The following ARMC3 variants were observed in gnomAD, a reference collection of about 807,000 sequenced individuals.
The protein encoded by ARMC3 is armadillo repeat containing 3, also known as armadillo repeat-containing protein 3.
In ARMC3, 74 loss-of-function variants were observed where a neutral mutation model predicts 90.3. The observed-to-expected ratio is 0.82, with a 90% CI of 0.68 to 0.99. The LOEUF is 0.99. Ranked by LOEUF, ARMC3 falls within the 50% of genes least tolerant of loss-of-function variation. ARMC3 has a pLI of 0.00. For missense variants in ARMC3, 958 were observed against 1,042.8 expected, an observed-to-expected ratio of 0.92 and a Z score of 1.12; for synonymous variants, 334 against 361.8, an observed-to-expected ratio of 0.92 and a Z score of 0.87.
intron 3 of ARMC3, among the ~76,000 whole-genome samples, chr10:22,946,944 G>T (rs953554023): frequency 9.2e-5 from 14 of 152,160 alleles, no homozygotes; most frequent in African/African-American, 3.4e-4. Context: ...TGGATCACTT[G>T]AGCCCAGGAG....
chr10:22,968,407 G>C lies in ARMC3; in HGVS notation c.834G>C (p.Lys278Asn). The C allele has an allele frequency of 1.2e-6, 2 of 1,613,152 alleles. No individual in the cohort carries two copies. The highest frequency in any genetic ancestry group is 1.7e-6 in the Non-Finnish European group (2 of 1,179,712). The change falls in exon 8 of 19, where the codon AAG becomes AAC. Residue 278 changes from lysine (K) to asparagine (N), a missense_variant. Lys to Asn is a moderately conservative substitution (Grantham distance 94, BLOSUM62 0). Coordinates refer to ENST00000298032, the MANE Select transcript of ARMC3 (RefSeq NM_173081.5). The stretch of plus-strand genomic sequence containing the variant: ...TTCAGCAGACAGGGGGTCTTAAAAA[G>C]CTCCTGTCATTTGCAGAAAACTCTA... The part of the protein sequence containing the change: ...VQIQQTGGLK[K>N]LLSFAENSTI...
At chr10:22,981,791 T>G in intron 10 of ARMC3, 91 bp downstream of exon 10, 1 of 1,074,364 alleles carries the variant, frequency 9.3e-7, no homozygotes, top group South Asian at 1.4e-5. Context: ...TTCACGATAG[T>G]CTATGAATTT....
At chr10:22,946,290 G>T (rs1481630886) in intron 3 of ARMC3, 29 bp downstream of exon 3, 1 of 1,455,098 alleles carries the variant, frequency 6.9e-7, no homozygotes, top group African/African-American at 1.4e-5. Flanking sequence ...TTATCTTTCT[G>T]TTTCATTAAT....
chr10:22,967,925 T>C (rs1564360205), intron 7 of ARMC3, among the ~76,000 whole-genome samples: 1 of 152,266 alleles, frequency 6.6e-6, no homozygotes, highest in Admixed American at 6.5e-5. Flanking sequence ...ACTTCTGTTA[T>C]AGTCACAAAT....
chr10:22,937,270 C>T (rs1834147893), intron 2 of ARMC3, among the ~76,000 whole-genome samples: 1 of 152,152 alleles, frequency 6.6e-6, no homozygotes, highest in Admixed American at 6.5e-5. Context: ...ATGATATTTA[C>T]TAAAGCTTAT....
At chr10:22,969,432 C>G (rs1467641295) in intron 8 of ARMC3, among the ~76,000 whole-genome samples, 1 of 152,192 alleles carries the variant, frequency 6.6e-6, no homozygotes, top group Non-Finnish European at 1.5e-5. Flanking sequence ...AACATATATA[C>G]TCACATCTGT....
Position 23,032,842 on chromosome 10 carries a change from C to A in ARMC3, c.2247-19C>A. ...AGTTATTAAAATTGACCGATTTGAT[C>A]TCAATGTAATTGACACAGGTATGTA... is the stretch of plus-strand genomic sequence containing the variant. On this transcript the variant is annotated intron_variant, in intron 17 of 18. Coordinates refer to ENST00000298032, the MANE Select transcript of ARMC3 (RefSeq NM_173081.5). The A allele has an allele frequency of 6.2e-7, 1 of 1,601,336 alleles. No homozygotes were observed. The highest frequency in any genetic ancestry group is 1.1e-5 in the South Asian group (1 of 89,784).
intron 2 of ARMC3, among the ~76,000 whole-genome samples, chr10:22,937,225 A>T (rs1026640031): frequency 6.6e-6 from 1 of 152,182 alleles, no homozygotes; most frequent in Non-Finnish European, 1.5e-5. Context: ...TTTAATTATT[A>T]TAGATTCACA....
intron 16 of ARMC3, among the ~76,000 whole-genome samples, chr10:23,028,307 A>AT (rs1411844696): frequency 6.6e-6 from 1 of 152,180 alleles, no homozygotes; most frequent in Non-Finnish European, 1.5e-5. Flanking sequence ...TTAATTACGT[A>AT]TTTCTCAGTT....
chr10:22,947,162 C>T (rs1218013522), intron 3 of ARMC3, among the ~76,000 whole-genome samples: 1 of 151,968 alleles, frequency 6.6e-6, no homozygotes, highest in East Asian at 1.9e-4. Flanking sequence ...AAACATTAGC[C>T]AGGTATGATG....
At chr10:22,959,038 T>C (rs1448793803) in intron 4 of ARMC3, 32 bp from the exon 5 acceptor site, 15 of 1,509,880 alleles carry the variant, frequency 9.9e-6, no homozygotes, top group Non-Finnish European at 1.4e-5. Flanking sequence ...TTATTATTAA[T>C]AAACATCAAT....
intron 16 of ARMC3, among the ~76,000 whole-genome samples, chr10:23,015,617 C>T (rs2131518454): frequency 6.6e-6 from 1 of 152,312 alleles, no homozygotes; most frequent in Admixed American, 6.5e-5. Context: ...ATGTCTAGAG[C>T]CTTTTAGATA....
At chr10:22,979,532 G>GT (rs1310393240) in intron 8 of ARMC3, among the ~76,000 whole-genome samples, 3 of 152,022 alleles carry the variant, frequency 2.0e-5, no homozygotes, top group Non-Finnish European at 4.4e-5. Flanking sequence ...TCCAAAGTTC[G>GT]TTTTTTCAAA....
In ARMC3 at chr10:23,037,390, C is replaced by A; in HGVS notation, c.2530C>A (p.Pro844Thr). Residue 844 changes from proline (P) to threonine (T), a missense_variant, in exon 19 of 19, where the codon CCT becomes ACT. Transcript: ENST00000298032. ...GGGAGTGATTGGGGGCCTCCCCGCT[C>A]CTGAGATGTACGTGATTGACCTCAT... Reference protein sequence around the residue: ...RKGVIGGLPAPEMYVIDLMFH... With the variant: ...RKGVIGGLPATEMYVIDLMFH... 6.2e-7 allele frequency: 1 copy of A among 1,614,020 alleles called. No individual in the cohort carries two copies. Among genetic ancestry groups the A allele is most frequent in the Non-Finnish European group, 8.5e-7 (1 of 1,179,942 alleles).
rs12261412 is a variant in ARMC3, at chr10:23,029,515, A to C, written c.2046-1081A>C. ...TGACTCATTAATTAGGGAGGGAACC[A>C]GTAAGATGTTCATACTGGTTCAAAG... On this transcript the variant is annotated intron_variant, in intron 16 of 18. Transcript: ENST00000298032. Among the ~76,000 whole-genome samples, 1,242 of 152,292 alleles carry C rather than the reference A, an allele frequency of 8.2e-3. 20 individuals carry two copies. Among genetic ancestry groups the C allele is most frequent in the African/African-American group, 0.028 (1,176 of 41,556 alleles).
chr10:22,996,676 G>C (rs539289382), intron 10 of ARMC3, among the ~76,000 whole-genome samples: 2 of 152,124 alleles, frequency 1.3e-5, no homozygotes, highest in Non-Finnish European at 1.5e-5. Context: ...TCTTCATTAC[G>C]TTCCTGCCCA....
At position 22,951,083 on chromosome 10, in the gene ARMC3, G is replaced by T. The variant is rs542313073; in HGVS notation, c.167-4724G>T. On this transcript the variant is annotated intron_variant, in intron 3 of 18. Coordinates refer to ENST00000298032, the MANE Select transcript of ARMC3 (RefSeq NM_173081.5). ...CTCCCAAGTAGCTGGGACTACAGGC[G>T]CCCGCCACTACACCCAGCTAATTGT... Among the ~76,000 whole-genome samples, 719 of 150,978 alleles carry T rather than the reference G, an allele frequency of 4.8e-3. 3 individuals are homozygous for T. Among genetic ancestry groups the T allele is most frequent in the African/African-American group, 0.017 (678 of 40,840 alleles).
At chr10:23,028,440 T>G (rs1838803696) in intron 16 of ARMC3, among the ~76,000 whole-genome samples, 1 of 152,240 alleles carries the variant, frequency 6.6e-6, no homozygotes, top group Admixed American at 6.5e-5. Flanking sequence ...CTGGGTCATC[T>G]AGGCAGTGGT....
intron 10 of ARMC3, among the ~76,000 whole-genome samples, chr10:22,986,718 G>T (rs1836468227): frequency 6.6e-6 from 1 of 152,198 alleles, no homozygotes; most frequent in African/African-American, 2.4e-5. Context: ...AATCATCAGT[G>T]TTGTTTTCTT....
Sources: allele counts gnomAD v4.1 joint callset (sites outside exome capture counted in the v4.1 genomes callset), GRCh38; gene constraint gnomAD v4.1.1; transcripts MANE v1.5; gene names NCBI Gene and HGNC (gene_info 2026-07-23, HGNC 2026-07-21).